DACH2: variants seen among roughly 807,000 people sequenced by gnomAD.
DACH2 encodes dachshund homolog 2.
In DACH2, 17 loss-of-function variants were observed where a neutral mutation model predicts 35.8. The ratio of observed to expected loss-of-function variants is 0.48; its 90% confidence interval spans 0.33 to 0.71. The LOEUF (loss-of-function observed/expected upper bound fraction) is 0.71, where lower values mean the gene tolerates loss of function less well. Among genes scored for constraint, DACH2 ranks in the 30% least tolerant of loss-of-function variants. DACH2 has a pLI of 0.02. For synonymous variants in DACH2, 195 were observed against 177.3 expected, an observed-to-expected ratio of 1.10 and a Z score of -0.79; for missense variants, 469 against 472.7, an observed-to-expected ratio of 0.99 and a Z score of 0.07.
intron 1 of DACH2, among the ~76,000 whole-genome samples, chrX:86,203,476 A>AT (rs750268224): frequency 9.0e-6 from 1 of 111,157 alleles, no homozygotes; most frequent in African/African-American, 3.3e-5. Context: ...TGACTTATTT[A>AT]TTTTTTACAT....
chrX:86,677,373 A>C (rs1352110942), intron 4 of DACH2, among the ~76,000 whole-genome samples: 1 of 112,164 alleles, frequency 8.9e-6, no homozygotes. Context: ...CTATTCTCCT[A>C]AAATTAAAAG....
intron 1 of DACH2, among the ~76,000 whole-genome samples, chrX:86,164,610 A>G (rs2030878308): frequency 9.0e-6 from 1 of 111,501 alleles, no homozygotes; most frequent in Non-Finnish European, 1.9e-5. Context: ...TGAGTTTAGT[A>G]TATGGTGTAA....
intron 1 of DACH2, among the ~76,000 whole-genome samples, chrX:86,358,639 G>T (rs984066814): frequency 2.7e-5 from 3 of 111,069 alleles, no homozygotes; most frequent in Non-Finnish European, 3.8e-5. Flanking sequence ...AATACCCAGT[G>T]GCAAGATGGC....
rs184116956 is a variant in DACH2, at chrX:86,813,410, G to A, written c.1537+133G>A. ...GAGGTCAGGAGATTGAGACCATCCT[G>A]GCTAACACGGAGAAACCCCATCTCT... On this transcript the variant is annotated intron_variant, in intron 9 of 11. Coordinates refer to ENST00000373125, the MANE Select transcript of DACH2 (RefSeq NM_053281.3). 2.6e-3 allele frequency: 1,214 copies of A among 465,010 alleles called. 14 individuals are homozygous for A. The African/African-American group carries it at 0.028, about 11-fold the overall frequency. The allele number at this position is 465,010 out of a possible 1,213,427, so 38.3% of individuals were successfully genotyped here.
chrX:86,160,569 C>T (rs1179222382), intron 1 of DACH2: 1 of 506,741 alleles, frequency 2.0e-6, no homozygotes, highest in African/African-American at 2.3e-5. Context: ...CTGATTTGGC[C>T]TGGATGGTTC....
intron 7 of DACH2, among the ~76,000 whole-genome samples, chrX:86,759,034 A>T (rs1406621415): frequency 8.9e-6 from 1 of 111,832 alleles, no homozygotes; most frequent in East Asian, 2.8e-4. Context: ...TGTACCCATT[A>T]AACATGCCCA....
At chrX:86,582,436 AAG>A (rs1425155355) in intron 3 of DACH2, among the ~76,000 whole-genome samples, 1 of 111,135 alleles carries the variant, frequency 9.0e-6, no homozygotes, top group Non-Finnish European at 1.9e-5. Flanking sequence ...ATTTTTTTGA[AAG>A]AATAAATAAG....
intron 1 of DACH2, among the ~76,000 whole-genome samples, chrX:86,280,267 C>G (rs775162004): frequency 1.7e-4 from 19 of 112,215 alleles, no homozygotes; most frequent in Admixed American, 7.5e-4. Context: ...TGCAGAAACC[C>G]TGCAAGCCAG....
chrX:86,435,382 G>A (rs1438029210), intron 2 of DACH2, among the ~76,000 whole-genome samples: 2 of 111,776 alleles, frequency 1.8e-5, no homozygotes, highest in African/African-American at 6.5e-5. Context: ...CGCTTATATT[G>A]AAAACCTGTG....
intron 1 of DACH2, among the ~76,000 whole-genome samples, chrX:86,238,043 G>A (rs1396187176): frequency 1.8e-5 from 2 of 112,099 alleles, no homozygotes; most frequent in Non-Finnish European, 3.8e-5. Flanking sequence ...TTTCAACCCT[G>A]CCATTCAGCA....
intron 7 of DACH2, among the ~76,000 whole-genome samples, chrX:86,763,736 G>A (rs1037155355): frequency 8.9e-6 from 1 of 112,124 alleles, no homozygotes; most frequent in Non-Finnish European, 1.9e-5. Flanking sequence ...TCTTAGGACA[G>A]ATGATGTTCT....
chrX:86,637,206 CAAAA>C (rs772970002), intron 3 of DACH2, among the ~76,000 whole-genome samples: 17 of 7,753 alleles, frequency 2.2e-3, no homozygotes, highest in African/African-American at 6.7e-3. Flanking sequence ...ACTGAAAAGC[CAAAA>C]AAAAAAAAAA....
At chrX:86,713,849 T>G (rs1277106820) in intron 5 of DACH2, among the ~76,000 whole-genome samples, 1 of 112,015 alleles carries the variant, frequency 8.9e-6, no homozygotes, top group African/African-American at 3.2e-5. Context: ...TTTCAGATAT[T>G]TCAAATGTGT....
intron 10 of DACH2, 115 bp from the exon 11 acceptor site, chrX:86,815,919 A>T: frequency 6.5e-6 from 3 of 460,620 alleles, no homozygotes; most frequent in Non-Finnish European, 9.9e-6. Flanking sequence ...CAAAAATGCC[A>T]CCCAAGGTCT....
At chrX:86,492,081 A>T in intron 2 of DACH2, among the ~76,000 whole-genome samples, 1 of 111,732 alleles carries the variant, frequency 8.9e-6, no homozygotes, top group Non-Finnish European at 1.9e-5. Flanking sequence ...ATGTATGTGG[A>T]ATCCTGCAGT....
chrX:86,656,857 GTATATATATATATA>G (rs752576150), intron 4 of DACH2, among the ~76,000 whole-genome samples: 7 of 66,745 alleles, frequency 1.0e-4, no homozygotes, highest in South Asian at 9.8e-4. Flanking sequence ...GTGTGTGTGT[GTATATATATATATA>G]TATATATATA....
chrX:86,445,977 C>A (rs1352608805), intron 2 of DACH2, among the ~76,000 whole-genome samples: 2 of 111,515 alleles, frequency 1.8e-5, no homozygotes, highest in South Asian at 7.4e-4. Flanking sequence ...TATTGTGTTG[C>A]AGTCAATCTC....
chrX:86,514,428 C>G, intron 3 of DACH2, 37 bp downstream of exon 3: 1 of 1,113,454 alleles, frequency 9.0e-7, no homozygotes, highest in Non-Finnish European at 1.2e-6. Flanking sequence ...CATGTCTCTT[C>G]GTACTGCCCA....
Position 86,400,325 on chromosome X carries a change from A to G in DACH2, c.527+23463A>G, listed in dbSNP as rs777451069. Among the ~76,000 whole-genome samples, 115 of 110,695 alleles carry G rather than the reference A, an allele frequency of 1.0e-3. 1 individual carries two copies. Among genetic ancestry groups the G allele is most frequent in the African/African-American group, 3.6e-3 (110 of 30,333 alleles). On this transcript the variant is annotated intron_variant, in intron 2 of 11. Transcript: ENST00000373125. ...TTTTTAACTTTTTTGCGATTGGTTCAAACTTCCTCCTTTAGCTCGGAGTAG... is the reference window on the plus strand; with the variant it reads ...TTTTTAACTTTTTTGCGATTGGTTCGAACTTCCTCCTTTAGCTCGGAGTAG...
Sources: gnomAD v4.1 joint callset for allele counts (sites outside exome capture counted in the v4.1 genomes callset) on GRCh38, gnomAD v4.1.1 for gene constraint, MANE v1.5 for transcripts, NCBI Gene and HGNC (gene_info 2026-07-23, HGNC 2026-07-21) for gene names.